Variants in UVRAG observed in about 807,000 individuals in gnomAD.
The protein encoded by UVRAG is UV radiation resistance associated.
Under a neutral mutation model 78.0 loss-of-function variants are expected in UVRAG, and 19 were observed. That is an observed-to-expected ratio of 0.24 (90% CI 0.17 to 0.36). UVRAG has a LOEUF of 0.36. Among genes scored for constraint, UVRAG ranks in the 10% least tolerant of loss-of-function variants. The probability of loss-of-function intolerance (pLI) is 1.00; values close to 1 mark genes in which losing one functional copy is unlikely to be tolerated. For missense variants in UVRAG, 740 were observed against 853.8 expected (o/e 0.87, Z 1.66); for synonymous variants, 323 against 324.6 (o/e 1.00, Z 0.05).
chr11:75,842,499 T>C (rs924959411), intron 1 of UVRAG, among the ~76,000 whole-genome samples: 29 of 149,376 alleles, frequency 1.9e-4, no homozygotes, highest in African/African-American at 6.9e-4. Context: ...TGGAGTGCAA[T>C]GGCGTGATCA....
intron 3 of UVRAG, among the ~76,000 whole-genome samples, chr11:75,872,162 T>A (rs1437204162): frequency 6.6e-6 from 1 of 152,124 alleles, no homozygotes; most frequent in East Asian, 1.9e-4. Context: ...ACCATTTGAG[T>A]TTTTCATATC....
At chr11:76,137,611 C>T in intron 14 of UVRAG, 3 of 372,830 alleles carry the variant, frequency 8.0e-6, no homozygotes, top group Middle Eastern at 9.5e-4. Flanking sequence ...TAAGAGAGAC[C>T]ATTTTGGCTG....
chr11:76,103,974 G>A (rs1386049358), intron 13 of UVRAG, among the ~76,000 whole-genome samples: 3 of 151,784 alleles, frequency 2.0e-5, no homozygotes, highest in African/African-American at 7.3e-5. Flanking sequence ...AAAAACACTT[G>A]AGGGTCTCCT....
intron 13 of UVRAG, among the ~76,000 whole-genome samples, chr11:76,074,735 T>C (rs1951374609): frequency 1.3e-5 from 2 of 152,220 alleles, no homozygotes; most frequent in Non-Finnish European, 2.9e-5. Flanking sequence ...TTGTTTTTCT[T>C]TTTAATTTGG....
intron 6 of UVRAG, among the ~76,000 whole-genome samples, chr11:75,947,684 G>A (rs1479795257): frequency 6.6e-6 from 1 of 152,122 alleles, no homozygotes; most frequent in African/African-American, 2.4e-5. Context: ...GCTTAGGAAC[G>A]ATGGGTTTGT....
intron 6 of UVRAG, among the ~76,000 whole-genome samples, chr11:75,935,699 A>G (rs893767879): frequency 6.6e-6 from 1 of 152,198 alleles, no homozygotes; most frequent in African/African-American, 2.4e-5. Context: ...GAAATAGTAT[A>G]AAGAGCTTTC....
At chr11:75,995,063 A>T (rs553992912) in intron 8 of UVRAG, among the ~76,000 whole-genome samples, 1 of 152,310 alleles carries the variant, frequency 6.6e-6, no homozygotes, top group African/African-American at 2.4e-5. Flanking sequence ...GTTATCTCAG[A>T]AAGGTAGGAC....
At chr11:76,045,715 A>G (rs1411270691) in intron 12 of UVRAG, among the ~76,000 whole-genome samples, 1 of 150,742 alleles carries the variant, frequency 6.6e-6, no homozygotes, top group African/African-American at 2.5e-5. Context: ...AAAAAAAAAA[A>G]GCCGGAGATC....
chr11:76,128,457 TA>T (rs761181734), intron 14 of UVRAG, among the ~76,000 whole-genome samples: 112 of 152,274 alleles, frequency 7.4e-4, no homozygotes, highest in Non-Finnish European at 9.0e-4. Flanking sequence ...TGTCAGTAAA[TA>T]AGTATCCTTC....
rs572700551 is a variant in UVRAG, at chr11:76,058,285, C to T, written c.1227-7425C>T. Reference sequence around the variant, plus strand: ...GTCACTCATGCCTGTAATCTTAACACTTTGGGAGGCTGAAGTGGGAGGATT... The same window carrying T: ...GTCACTCATGCCTGTAATCTTAACATTTTGGGAGGCTGAAGTGGGAGGATT... On this transcript the variant is annotated intron_variant, in intron 12 of 14. Coordinates refer to ENST00000356136, the MANE Select transcript of UVRAG (RefSeq NM_003369.4). Among the ~76,000 whole-genome samples, 5 of 152,144 alleles carry T rather than the reference C, an allele frequency of 3.3e-5. No homozygotes were observed. In the East Asian group the frequency reaches 9.7e-4, roughly 29 times the overall value.
chr11:76,095,250 A>G (rs1232573729), intron 13 of UVRAG, among the ~76,000 whole-genome samples: 1 of 152,132 alleles, frequency 6.6e-6, no homozygotes, highest in African/African-American at 2.4e-5. Context: ...TTCCAGAAGT[A>G]CCTAGGGCCA....
At chr11:76,068,728 G>A (rs970615406) in intron 13 of UVRAG, among the ~76,000 whole-genome samples, 2 of 152,044 alleles carry the variant, frequency 1.3e-5, no homozygotes, top group African/African-American at 4.8e-5. Flanking sequence ...ACTTTTTCAC[G>A]TTTTGATTTG....
At chr11:76,017,318 A>G (rs1308845967) in intron 12 of UVRAG, among the ~76,000 whole-genome samples, 2 of 152,200 alleles carry the variant, frequency 1.3e-5, no homozygotes, top group Non-Finnish European at 2.9e-5. Flanking sequence ...TAAAATGTTA[A>G]AAGATTTGTC....
intron 12 of UVRAG, among the ~76,000 whole-genome samples, chr11:76,019,743 G>A (rs1950207896): frequency 6.6e-6 from 1 of 152,154 alleles, no homozygotes; most frequent in South Asian, 2.1e-4. Flanking sequence ...AATCACCCTC[G>A]TGGCCTCCAC....
intron 12 of UVRAG, among the ~76,000 whole-genome samples, chr11:76,062,761 TAAC>T (rs944003584): frequency 4.6e-5 from 7 of 152,212 alleles, no homozygotes; most frequent in Non-Finnish European, 8.8e-5. Flanking sequence ...TTATTTTAAA[TAAC>T]AATAATACTG....
chr11:75,923,909 T>C (rs561927551), intron 6 of UVRAG, among the ~76,000 whole-genome samples: 1 of 152,346 alleles, frequency 6.6e-6, no homozygotes, highest in East Asian at 1.9e-4. Context: ...AGAAATGTTG[T>C]TACATTATGA....
intron 8 of UVRAG, among the ~76,000 whole-genome samples, chr11:75,994,966 T>C (rs1949676543): frequency 6.6e-6 from 1 of 152,208 alleles, no homozygotes; most frequent in Admixed American, 6.5e-5. Flanking sequence ...TTCAACTTTT[T>C]GAGCTTATTT....
At chr11:75,897,442 G>A (rs1033081513) in intron 5 of UVRAG, among the ~76,000 whole-genome samples, 3 of 152,058 alleles carry the variant, frequency 2.0e-5, no homozygotes, top group African/African-American at 7.2e-5. Flanking sequence ...GACGTTCAGG[G>A]GGCTCATGAT....
intron 13 of UVRAG, among the ~76,000 whole-genome samples, chr11:76,067,267 GTC>G (rs1307713136): frequency 6.6e-6 from 1 of 152,178 alleles, no homozygotes; most frequent in Non-Finnish European, 1.5e-5. Flanking sequence ...CCCTCTGACA[GTC>G]TCTGGCCCAT....
Sources: gnomAD v4.1 joint callset for allele counts (sites outside exome capture counted in the v4.1 genomes callset) on GRCh38, gnomAD v4.1.1 for gene constraint, MANE v1.5 for transcripts, NCBI Gene and HGNC (gene_info 2026-07-23, HGNC 2026-07-21) for gene names.